The following PMM2 variants were observed in gnomAD, a reference collection of about 807,000 sequenced individuals.
PMM2 encodes the protein phosphomannomutase 2.
A neutral mutation model predicts 33.2 loss-of-function variants in PMM2; 35 were observed. That is an observed-to-expected ratio of 1.06 (90% CI 0.81 to 1.40). The LOEUF (loss-of-function observed/expected upper bound fraction) is 1.40. Among genes scored for constraint, PMM2 ranks in the 40% most tolerant of loss-of-function variants. PMM2 has a pLI of 0.00. For synonymous variants in PMM2, 153 were observed against 114.7 expected, an observed-to-expected ratio of 1.33 and a Z score of -2.13; for missense variants, 386 against 306.0, an observed-to-expected ratio of 1.26 and a Z score of -1.95.
chr16:8,798,550 A>G (rs2060592796), intron 1 of PMM2, among the ~76,000 whole-genome samples: 1 of 152,176 alleles, frequency 6.6e-6, no homozygotes, highest in African/African-American at 2.4e-5. Flanking sequence ...GCCTCAGTAA[A>G]TAGTAGCCAC....
rs1321009572 is a variant in PMM2, at chr16:8,797,846, C to G, written c.-37C>G. 2.3e-5 allele frequency: 37 copies of G among 1,604,764 alleles called. No homozygotes were observed. The highest frequency in any genetic ancestry group is 3.1e-5 in the Non-Finnish European group (36 of 1,175,828). Reference sequence around the variant, plus strand: ...AAGTTCCGGGCCGAGTTCCTCGTGCCAACGTGTCTTGTAAGGTGCGGCTAG... The same window carrying G: ...AAGTTCCGGGCCGAGTTCCTCGTGCGAACGTGTCTTGTAAGGTGCGGCTAG... On this transcript the variant is annotated 5_prime_UTR_variant, in exon 1 of 8. Transcript: ENST00000268261.
chr16:8,845,614 T>G (rs1464670321), intron 7 of PMM2, among the ~76,000 whole-genome samples: 3 of 152,016 alleles, frequency 2.0e-5, no homozygotes, highest in Non-Finnish European at 4.4e-5. Context: ...AGTCTCGCTC[T>G]GTTGCCCAGG....
chr16:8,813,773 G>C (rs537642194), intron 7 of PMM2, among the ~76,000 whole-genome samples: 1 of 151,968 alleles, frequency 6.6e-6, no homozygotes, highest in African/African-American at 2.4e-5. Flanking sequence ...TGGATCCCCA[G>C]GAGGTCAGAG....
At position 8,837,262 on chromosome 16, in the gene PMM2, CAA is replaced by C. The variant is rs2060855733; in HGVS notation, c.640-10461_640-10460del. 2.0e-5 allele frequency among the ~76,000 whole-genome samples: 3 copies of C among 152,014 alleles called. No homozygotes were observed. The South Asian group carries it at 6.2e-4, about 32-fold the overall frequency. On this transcript the variant is annotated intron_variant, in intron 7 of 7. Transcript: ENST00000268261. ...CTCAGACCGTTTGCCCATTTTACGA[CAA>C]GAATTATTTAGATCTTGTAGGATGG...
rs535324675 is a variant in PMM2 at position 8,836,413 on chromosome 16, C to T, written c.640-11311C>T. Reference sequence around the variant, plus strand: ...GGGGTCCCGCACAGATGGGACGCGGCTTAGGAGGAATCCCGGGCTGTGGGC... The same window carrying T: ...GGGGTCCCGCACAGATGGGACGCGGTTTAGGAGGAATCCCGGGCTGTGGGC... On this transcript the variant is annotated intron_variant, in intron 7 of 7. Coordinates refer to ENST00000268261, the MANE Select transcript of PMM2 (RefSeq NM_000303.3). Among the ~76,000 whole-genome samples the T allele has an allele frequency of 1.4e-3, 207 of 152,050 alleles. 1 individual carries two copies. Among genetic ancestry groups the T allele is most frequent in the Non-Finnish European group, 2.3e-3 (158 of 67,966 alleles).
rs77868628 is a variant in PMM2 at position 8,833,993 on chromosome 16, C to A, written c.640-13731C>A. ...GGCATGTATGAGTAGTTGAGAATGG[C>A]GAATAGGAATATGACTAGACAGGAG... On this transcript the variant is annotated intron_variant, in intron 7 of 7. Transcript: ENST00000268261. Among the ~76,000 whole-genome samples the A allele has an allele frequency of 5.7e-4, 87 of 151,562 alleles. No homozygotes were observed. The East Asian group carries it at 0.011, about 20-fold the overall frequency.
Position 8,802,927 on chromosome 16 carries a change from T to C in PMM2, c.178+1017T>C, listed in dbSNP as rs79998417. On this transcript the variant is annotated intron_variant, in intron 2 of 7. Coordinates refer to ENST00000268261, the MANE Select transcript of PMM2 (RefSeq NM_000303.3). ...GTCCTCACATCTTGGAACCAGCTCC[T>C]CTAGAGCAAGATTTCTCACCTTCGC... Among the ~76,000 whole-genome samples, 671 of 152,226 alleles carry C rather than the reference T, an allele frequency of 4.4e-3. 6 individuals are homozygous for C. Among genetic ancestry groups the C allele is most frequent in the African/African-American group, 0.015 (636 of 41,546 alleles).
At chr16:8,816,663 C>T (rs2060710255) in intron 7 of PMM2, among the ~76,000 whole-genome samples, 1 of 152,038 alleles carries the variant, frequency 6.6e-6, no homozygotes, top group Non-Finnish European at 1.5e-5. Flanking sequence ...ATTGCTTGAA[C>T]CCGGGAGGTG....
At chr16:8,804,037 T>TGTTTTTG (rs55979610) in intron 2 of PMM2, among the ~76,000 whole-genome samples, 4 of 114,714 alleles carry the variant, frequency 3.5e-5, no homozygotes, top group Non-Finnish European at 5.7e-5. Flanking sequence ...TTTTGTTTTT[T>TGTTTTTG]TTTTTTTTTT....
chr16:8,805,260 G>A (rs372228023), intron 3 of PMM2, among the ~76,000 whole-genome samples: 43 of 152,014 alleles, frequency 2.8e-4, no homozygotes, highest in African/African-American at 9.9e-4. Context: ...TAGAGACAGG[G>A]TTTCACCATG....
At position 8,801,805 on chromosome 16, in the gene PMM2, A is replaced by G. The variant is rs1465226486; in HGVS notation, c.73A>G (p.Thr25Ala). 1 of 1,602,218 alleles carries G rather than the reference A, an allele frequency of 6.2e-7. No individual in the cohort carries two copies. Among genetic ancestry groups the G allele is most frequent in the South Asian group, 1.1e-5 (1 of 90,266 alleles). ...TTTCTTTCTTGAAATTTAGAAAATT[A>G]CCAAAGAAATGGATGACTTCCTACA... The part of the protein sequence containing the change: ...GTLTAPRQKI[T>A]KEMDDFLQKL... Residue 25 changes from threonine to alanine, a missense_variant, in exon 2 of 8, where the codon ACC becomes GCC. Thr to Ala is a moderately conservative substitution (Grantham distance 58). Coordinates refer to ENST00000268261, the MANE Select transcript of PMM2 (RefSeq NM_000303.3).
Position 8,847,936 on chromosome 16 carries a change from T to C in PMM2, c.*111T>C, listed in dbSNP as rs2060939109. Reference sequence around the variant, plus strand: ...TCACCCACCCGCAGCCTAGGCAGGCTCTGCATGCTATGCCAGGCATGTGCA... The same window carrying C: ...TCACCCACCCGCAGCCTAGGCAGGCCCTGCATGCTATGCCAGGCATGTGCA... On this transcript the variant is annotated 3_prime_UTR_variant, in exon 8 of 8. Coordinates refer to ENST00000268261, the MANE Select transcript of PMM2 (RefSeq NM_000303.3). 4 of 769,442 alleles carry C rather than the reference T, an allele frequency of 5.2e-6. No individual in the cohort carries two copies. The highest frequency in any genetic ancestry group is 4.4e-5 in the South Asian group (3 of 68,724). The allele number at this position is 769,442 out of a possible 1,614,324, so 47.7% of individuals were successfully genotyped here.
intron 7 of PMM2, chr16:8,832,405 A>G (rs1398656606): frequency 1.0e-6 from 1 of 985,420 alleles, no homozygotes; most frequent in African/African-American, 1.7e-5. Flanking sequence ...ATTAAGTGTC[A>G]GCGAGTTACA....
chr16:8,835,375 G>A (rs1037795128), intron 7 of PMM2, among the ~76,000 whole-genome samples: 117 of 152,034 alleles, frequency 7.7e-4, no homozygotes, highest in African/African-American at 2.7e-3. Flanking sequence ...GACTGAAGTA[G>A]TGGGGGCTGT....
At chr16:8,847,563 A>G in intron 7 of PMM2, 161 bp from the exon 8 acceptor site, 1 of 658,526 alleles carries the variant, frequency 1.5e-6, no homozygotes, top group South Asian at 1.7e-5. Flanking sequence ...TAACAATTGT[A>G]CTCACGTTCC....
intron 7 of PMM2, among the ~76,000 whole-genome samples, chr16:8,845,482 G>A (rs999595614): frequency 3.9e-5 from 6 of 152,160 alleles, no homozygotes; most frequent in African/African-American, 7.2e-5. Flanking sequence ...AAGGTGTGTT[G>A]TGTTAATGTG....
chr16:8,805,418 A>AGTGCAGTG (rs1230630942), intron 3 of PMM2, among the ~76,000 whole-genome samples: 13 of 152,196 alleles, frequency 8.5e-5, no homozygotes, highest in African/African-American at 3.1e-4. Context: ...ACCAGGCTGG[A>AGTGCAGTG]GTGCAGTGGT....
intron 7 of PMM2, chr16:8,832,795 C>T (rs2060818646): frequency 2.0e-6 from 2 of 985,234 alleles, no homozygotes; most frequent in Admixed American, 6.1e-5. Flanking sequence ...CCGCTGTGGC[C>T]CGGCCCCAGC....
At chr16:8,834,015 G>A (rs2060827833) in intron 7 of PMM2, among the ~76,000 whole-genome samples, 1 of 151,906 alleles carries the variant, frequency 6.6e-6, no homozygotes, top group Non-Finnish European at 1.5e-5. Context: ...TGACTAGACA[G>A]GAGATAGTAG....
Sources: allele counts gnomAD v4.1 joint callset (sites outside exome capture counted in the v4.1 genomes callset), GRCh38; gene constraint gnomAD v4.1.1; transcripts MANE v1.5; gene names NCBI Gene and HGNC (gene_info 2026-07-23, HGNC 2026-07-21).